Variants in DMXL1 observed in about 807,000 individuals in gnomAD.
DMXL1 encodes the protein Dmx like 1.
A neutral mutation model predicts 319.2 loss-of-function variants in DMXL1; 99 were observed. The observed-to-expected ratio is 0.31, with a 90% CI of 0.26 to 0.37. The LOEUF (loss-of-function observed/expected upper bound fraction) is 0.37. Among genes scored for constraint, DMXL1 ranks in the 10% least tolerant of loss-of-function variants. DMXL1 has a pLI of 1.00. For synonymous variants in DMXL1, 1,385 were observed against 1,235.2 expected (o/e 1.12, Z -2.54); for missense variants, 3,745 against 3,595.6 (o/e 1.04, Z -1.06).
At chr5:119,197,299 T>C (rs1015619798) in intron 31 of DMXL1, among the ~76,000 whole-genome samples, 1 of 152,132 alleles carries the variant, frequency 6.6e-6, no homozygotes, top group African/African-American at 2.4e-5. Context: ...TAAAATACAT[T>C]GATACTAACA....
At chr5:119,105,281 C>G in intron 4 of DMXL1, 23 bp downstream of exon 4, 1 of 1,565,174 alleles carries the variant, frequency 6.4e-7, no homozygotes, top group Non-Finnish European at 8.8e-7. Context: ...GCAGGATTAA[C>G]TAAAATGAAA....
intron 35 of DMXL1, among the ~76,000 whole-genome samples, chr5:119,218,024 G>A (rs887895458): frequency 1.3e-4 from 20 of 152,152 alleles, no homozygotes; most frequent in African/African-American, 3.4e-4. Flanking sequence ...CAAATCTGGA[G>A]TCAGCCCCTT....
In DMXL1 at chr5:119,089,999, C is replaced by CTTTTTTTTTTTTTTTTTTT. The variant is rs70982467; in HGVS notation, c.88-7960_88-7942dup. On this transcript the variant is annotated intron_variant, in intron 1 of 43. Coordinates refer to ENST00000539542, the MANE Select transcript of DMXL1 (RefSeq NM_001290321.3). ...TGATTATTTTATGCTTCGGGTTAGT[C>CTTTTTTTTTTTTTTTTTTT]TTTTTTTTTTTTTTTTTTTTTTTTT... Among the ~76,000 whole-genome samples, 16 of 34,402 alleles carry CTTTTTTTTTTTTTTTTTTT rather than the reference C, an allele frequency of 4.7e-4. 4 individuals carry two copies. The highest frequency in any genetic ancestry group is 9.3e-4 in the African/African-American group (9 of 9,660). 22.6% of individuals were successfully genotyped at this position (34,402 alleles called of 152,430 possible). A position where few individuals can be genotyped will look rare whatever the true frequency, so the allele number is the denominator to read the frequency against.
chr5:119,123,020 C>T lies in DMXL1; in HGVS notation c.1102+1881C>T, dbSNP rs1280272232. Among the ~76,000 whole-genome samples the T allele has an allele frequency of 2.0e-5, 3 of 152,266 alleles. No individual in the cohort carries two copies. The East Asian group carries it at 5.8e-4, about 30-fold the overall frequency. ...GCACTCCAGCCTGGGCACCATTGAG[C>T]ACTGAGTGAACAAGACTCCATCTGC... On this transcript the variant is annotated intron_variant, in intron 9 of 43. Coordinates refer to ENST00000539542, the MANE Select transcript of DMXL1 (RefSeq NM_001290321.3).
At chr5:119,089,301 T>TATATGCA (rs1561549936) in intron 1 of DMXL1, among the ~76,000 whole-genome samples, 1 of 93,706 alleles carries the variant, frequency 1.1e-5, no homozygotes, top group African/African-American at 4.2e-5. Flanking sequence ...TATTTTTTTT[T>TATATGCA]TTTTTTTTTT....
chr5:119,118,727 C>A (rs1229354338), intron 7 of DMXL1, 88 bp from the exon 8 acceptor site: 1 of 1,000,450 alleles, frequency 1.0e-6, no homozygotes, highest in South Asian at 1.7e-5. Context: ...TTAGTTGGTA[C>A]ATTTAAGTAA....
chr5:119,113,388 C>A (rs959588865), intron 5 of DMXL1, among the ~76,000 whole-genome samples: 2 of 152,092 alleles, frequency 1.3e-5, no homozygotes, highest in Non-Finnish European at 2.9e-5. Flanking sequence ...ATTACGGGGG[C>A]ATGCCACCAC....
chr5:119,243,225 T>C (rs1040612521), intron 42 of DMXL1, among the ~76,000 whole-genome samples: 1 of 152,170 alleles, frequency 6.6e-6, no homozygotes, highest in African/African-American at 2.4e-5. Flanking sequence ...TGGTCAAAGT[T>C]CCTTCTCTGT....
intron 13 of DMXL1, among the ~76,000 whole-genome samples, chr5:119,137,614 CT>C (rs758640992): frequency 1.2e-4 from 18 of 152,294 alleles, no homozygotes; most frequent in Non-Finnish European, 2.2e-4. Flanking sequence ...TTCCCTTATG[CT>C]GTTTGCATTA....
intron 21 of DMXL1, among the ~76,000 whole-genome samples, chr5:119,165,651 C>T (rs767840147): frequency 3.9e-5 from 6 of 152,248 alleles, no homozygotes; most frequent in South Asian, 4.1e-4. Flanking sequence ...TACAGTTCCA[C>T]GTGGCTGGGA....
intron 34 of DMXL1, among the ~76,000 whole-genome samples, chr5:119,215,954 G>A (rs761944276): frequency 6.6e-6 from 1 of 151,722 alleles, no homozygotes; most frequent in African/African-American, 2.4e-5. Context: ...AACTTAGCCC[G>A]GTGTGGTGGC....
At chr5:119,092,497 TGAAATA>T (rs1168539828) in intron 1 of DMXL1, among the ~76,000 whole-genome samples, 4 of 152,208 alleles carry the variant, frequency 2.6e-5, no homozygotes, top group Admixed American at 1.3e-4. Context: ...ACAGCTTTAT[TGAAATA>T]TAATTTACAT....
chr5:119,200,164 G>A (rs757188156), intron 32 of DMXL1, among the ~76,000 whole-genome samples: 1 of 152,172 alleles, frequency 6.6e-6, no homozygotes, highest in South Asian at 2.1e-4. Flanking sequence ...TGTGTCCGGG[G>A]TGGTATTGCC....
chr5:119,159,080 C>T (rs1343479042), intron 19 of DMXL1, among the ~76,000 whole-genome samples: 1 of 151,930 alleles, frequency 6.6e-6, no homozygotes, highest in East Asian at 1.9e-4. Flanking sequence ...TAGTAGAATT[C>T]ACCGGTGATG....
At chr5:119,157,224 C>G (rs1236500676) in intron 19 of DMXL1, among the ~76,000 whole-genome samples, 2 of 152,202 alleles carry the variant, frequency 1.3e-5, no homozygotes, top group South Asian at 4.1e-4. Flanking sequence ...TGGATATTAA[C>G]TCCTTATCAG....
At chr5:119,164,901 G>T (rs1399073482) in intron 20 of DMXL1, among the ~76,000 whole-genome samples, 1 of 143,916 alleles carries the variant, frequency 6.9e-6, no homozygotes, top group African/African-American at 2.5e-5. Flanking sequence ...AGTAGTATAT[G>T]TCTGATTTTT....
intron 9 of DMXL1, among the ~76,000 whole-genome samples, chr5:119,121,855 T>C (rs1379159623): frequency 6.3e-5 from 9 of 142,886 alleles, no homozygotes; most frequent in South Asian, 2.4e-4. Flanking sequence ...CCAGTAGGGG[T>C]GGCCGGGCAG....
intron 20 of DMXL1, 125 bp from the exon 21 acceptor site, chr5:119,165,058 A>T: frequency 1.6e-6 from 1 of 630,666 alleles, no homozygotes; most frequent in Non-Finnish European, 2.8e-6. Flanking sequence ...TGCACATATT[A>T]TTCATATACA....
chr5:119,181,397 G>T lies in DMXL1; in HGVS notation c.7135+3153G>T, dbSNP rs115700559. On this transcript the variant is annotated intron_variant, in intron 28 of 43. Coordinates refer to ENST00000539542, the MANE Select transcript of DMXL1 (RefSeq NM_001290321.3). ...AAGTATTCTAAATACAATCATGGAA[G>T]TAACTGAAGGAGTACTTAAAGAAAA... is the stretch of plus-strand genomic sequence containing the variant. Among the ~76,000 whole-genome samples, 596 of 152,258 alleles carry T rather than the reference G, an allele frequency of 3.9e-3. 5 individuals are homozygous for T. The highest frequency in any genetic ancestry group is 0.014 in the African/African-American group (580 of 41,538).
Sources: gnomAD v4.1 joint callset for allele counts (sites outside exome capture counted in the v4.1 genomes callset) on GRCh38, gnomAD v4.1.1 for gene constraint, MANE v1.5 for transcripts, NCBI Gene and HGNC (gene_info 2026-07-23, HGNC 2026-07-21) for gene names.